USP30: variants seen among roughly 807,000 people sequenced by gnomAD.
The protein encoded by USP30 is ubiquitin carboxyl-terminal hydrolase 30.
Under a neutral mutation model 68.2 loss-of-function variants are expected in USP30, and 41 were observed. The observed-to-expected ratio is 0.60, with a 90% CI of 0.47 to 0.78. The LOEUF is 0.78. USP30 is among the 30% of genes least tolerant of loss of function. USP30 has a pLI of 0.00. For synonymous variants in USP30, 229 were observed against 253.7 expected, an observed-to-expected ratio of 0.90 and a Z score of 0.93; for missense variants, 522 against 649.4, an observed-to-expected ratio of 0.80 and a Z score of 2.13.
chr12:109,036,952 A>G (rs951169419), intron 3 of USP30, among the ~76,000 whole-genome samples: 3 of 149,934 alleles, frequency 2.0e-5, no homozygotes, highest in Non-Finnish European at 3.0e-5. Context: ...TTTGATGTAT[A>G]GATTAATGTT....
At chr12:109,062,682 A>G (rs1479002553) in intron 3 of USP30, among the ~76,000 whole-genome samples, 1 of 152,068 alleles carries the variant, frequency 6.6e-6, no homozygotes, top group Non-Finnish European at 1.5e-5. Flanking sequence ...GTGAATTGCT[A>G]GTTTATATCC....
At chr12:109,055,401 T>TATATATACATATATATATATATA (rs61062424) in intron 1 of USP30, among the ~76,000 whole-genome samples, 1 of 29,636 alleles carries the variant, frequency 3.4e-5, no homozygotes, top group Non-Finnish European at 6.5e-5. Flanking sequence ...TATATATATA[T>TATATATACATATATATATATATA]TTTTTTTTTT....
chr12:109,071,776 CAAG>C, intron 5 of USP30, 66 bp downstream of exon 5: 1 of 1,382,402 alleles, frequency 7.2e-7, no homozygotes, highest in Non-Finnish European at 1.0e-6. Flanking sequence ...ATAGGGGAGG[CAAG>C]TGTAATCTTT....
Position 109,070,256 on chromosome 12 carries a change from A to G in USP30, c.481-1356A>G, listed in dbSNP as rs16939892. 4.9e-3 allele frequency among the ~76,000 whole-genome samples: 744 copies of G among 152,220 alleles called. 7 individuals carry two copies. The highest frequency in any genetic ancestry group is 0.017 in the African/African-American group (710 of 41,538). On this transcript the variant is annotated intron_variant, in intron 4 of 12. Coordinates refer to ENST00000257548, the MANE Select transcript of USP30 (RefSeq NM_032663.5). This position sits in a 1 kb window ranked among gnomAD's most constrained non-coding sequence, Gnocchi z 4.0. ...GCAGGGTAGCTGAGAGTCCTCAGGAATTTAGGGCGTATTTTGGAGGAGGGT... is the reference window on the plus strand; with the variant it reads ...GCAGGGTAGCTGAGAGTCCTCAGGAGTTTAGGGCGTATTTTGGAGGAGGGT...
Position 109,082,978 on chromosome 12 carries a change from A to C in USP30, c.1084A>C (p.Lys362Gln). The C allele has an allele frequency of 6.2e-7, 1 of 1,614,250 alleles. No individual in the cohort carries two copies. Residue 362 changes from lysine (K) to glutamine (Q), a missense_variant, in exon 11 of 13, where the codon AAA becomes CAA. By Grantham distance (53) the Lys-to-Gln change is moderately conservative (BLOSUM62 1). Coordinates refer to ENST00000257548, the MANE Select transcript of USP30 (RefSeq NM_032663.5). ...TTACAAGTACCACCTCCTTGGACAT[A>C]AACCTAGTCAACACAACCCTAAACT... ...DIYKYHLLGHKPSQHNPKLNK... is the reference protein window; with the variant it reads ...DIYKYHLLGHQPSQHNPKLNK...
chr12:109,031,500 A>G (rs2040480705), intron 3 of USP30, among the ~76,000 whole-genome samples: 3 of 152,210 alleles, frequency 2.0e-5, no homozygotes, highest in Non-Finnish European at 4.4e-5. Context: ...ACTCCTAGGT[A>G]TATACAAAAA....
chr12:109,037,445 C>T (rs2040529980), intron 3 of USP30, among the ~76,000 whole-genome samples: 1 of 152,098 alleles, frequency 6.6e-6, no homozygotes, highest in Non-Finnish European at 1.5e-5. Context: ...TGTTTTTCCC[C>T]CTGTGCATAG....
At chr12:109,055,419 T>TTTTTTTTTTTTTTA (rs2040837634) in intron 1 of USP30, among the ~76,000 whole-genome samples, 1 of 119,318 alleles carries the variant, frequency 8.4e-6, no homozygotes, top group Non-Finnish European at 1.7e-5. Context: ...TTTTTTTTTT[T>TTTTTTTTTTTTTTA]TGAGGCAGAG....
At chr12:109,080,735 G>T (rs2041772477) in intron 7 of USP30, among the ~76,000 whole-genome samples, 2 of 152,182 alleles carry the variant, frequency 1.3e-5, no homozygotes, top group Admixed American at 1.3e-4. Context: ...GGTCCCGTAA[G>T]ATTATAATAC....
chr12:109,043,547 C>T (rs2040579189), intron 3 of USP30, among the ~76,000 whole-genome samples: 2 of 152,252 alleles, frequency 1.3e-5, no homozygotes, highest in Non-Finnish European at 2.9e-5. Flanking sequence ...GAAGTTGCCC[C>T]TTACCTAACA....
At position 109,064,452 on chromosome 12, in the gene USP30, G is replaced by A. The variant is rs1321985516; in HGVS notation, c.377-3072G>A. On this transcript the variant is annotated intron_variant, in intron 3 of 12. Transcript: ENST00000257548. Reference sequence around the variant, plus strand: ...GGCTAATTTTTGGGTGTTTGCTGTTGCTGTTTTTAATAGAGTTGATGGTTC... The same window carrying A: ...GGCTAATTTTTGGGTGTTTGCTGTTACTGTTTTTAATAGAGTTGATGGTTC... Among the ~76,000 whole-genome samples the A allele has an allele frequency of 1.5e-4, 23 of 151,788 alleles. 1 individual carries two copies. The highest frequency in any genetic ancestry group is 1.5e-3 in the Admixed American group (23 of 15,244).
chr12:109,079,558 G>T (rs1442560744), intron 7 of USP30, among the ~76,000 whole-genome samples: 1 of 151,110 alleles, frequency 6.6e-6, no homozygotes, highest in Non-Finnish European at 1.5e-5. Context: ...TAGAGACAGG[G>T]TCTCACTGTG....
intron 3 of USP30, among the ~76,000 whole-genome samples, chr12:109,045,258 C>T (rs1025500768): frequency 2.2e-4 from 33 of 152,186 alleles, no homozygotes; most frequent in African/African-American, 7.2e-4. Flanking sequence ...GGATTACAGG[C>T]GTGAGCCACT....
chr12:109,036,418 A>C (rs1227228424), intron 3 of USP30, among the ~76,000 whole-genome samples: 1 of 151,404 alleles, frequency 6.6e-6, no homozygotes, highest in African/African-American at 2.4e-5. Flanking sequence ...CTCCTGCCTC[A>C]GCCTCCTGAG....
chr12:109,063,220 CT>C (rs1310408032), intron 3 of USP30, among the ~76,000 whole-genome samples: 1 of 152,152 alleles, frequency 6.6e-6, no homozygotes, highest in Non-Finnish European at 1.5e-5. Context: ...CTGCCTCAGC[CT>C]TCCGAGTAGC....
intron 1 of USP30, chr12:109,053,083 C>T (rs2040722209): frequency 1.2e-5 from 3 of 248,158 alleles, no homozygotes; most frequent in Middle Eastern, 2.4e-3. Context: ...CTTTCAGTGC[C>T]TCCTAGGCCT....
At chr12:109,027,513 A>T (rs1056374707) in exon 3 of USP30, 2 of 152,190 alleles carry the variant, frequency 1.3e-5, no homozygotes, top group Non-Finnish European at 2.9e-5. Context: ...CTCCGGCTTC[A>T]AGCAATCCTC....
At chr12:109,077,382 A>G (rs1209016902) in intron 7 of USP30, among the ~76,000 whole-genome samples, 1 of 152,102 alleles carries the variant, frequency 6.6e-6, no homozygotes. Flanking sequence ...TTGTTATTGG[A>G]TACAAGCATA....
At chr12:109,072,228 G>C in intron 5 of USP30, 77 bp from the exon 6 acceptor site, 1 of 1,309,854 alleles carries the variant, frequency 7.6e-7, no homozygotes, top group Non-Finnish European at 1.1e-6. Context: ...AACTTGTAAG[G>C]TTTAGGGGTG....
Sources: gnomAD v4.1 joint callset for allele counts (sites outside exome capture counted in the v4.1 genomes callset) on GRCh38, gnomAD v4.1.1 for gene constraint, Gnocchi (gnomAD v3.1) non-coding constraint, MANE v1.5 for transcripts, NCBI Gene and HGNC (gene_info 2026-07-23, HGNC 2026-07-21) for gene names.